TBC1D5: variants seen among roughly 807,000 people sequenced by gnomAD.
The protein encoded by TBC1D5 is TBC1 domain family member 5.
In TBC1D5, 75 loss-of-function variants were observed where a neutral mutation model predicts 100.3. The ratio of observed to expected loss-of-function variants is 0.75; its 90% CI spans 0.62 to 0.91. The LOEUF is 0.91. Among genes scored for constraint, TBC1D5 ranks in the 40% least tolerant of loss-of-function variants. The pLI is 0.00. For synonymous variants in TBC1D5, 323 were observed against 325.6 expected (o/e 0.99, Z 0.09); for missense variants, 910 against 942.4 (o/e 0.97, Z 0.45).
rs1286850901 is a variant in TBC1D5, at chr3:17,238,207, T to C, written c.1544A>G (p.Gln515Arg). The stretch of plus-strand genomic sequence containing the variant: ...CATGCTTTCTGATTTCATCAGCCTC[T>C]GCTGCTGCTGTTGCTGTTGCAAGTG... Residue 515 changes from glutamine (Q) to arginine (R), a missense_variant, in exon 17 of 22, where the codon CAG becomes CGG. Gln to Arg is a conservative substitution (Grantham distance 43, BLOSUM62 1). Coordinates refer to ENST00000253692, the Ensembl canonical transcript of TBC1D5. The C allele has an allele frequency of 6.2e-7, 1 of 1,613,796 alleles. No individual in the cohort carries two copies. Among genetic ancestry groups the C allele is most frequent in the Non-Finnish European group, 8.5e-7 (1 of 1,179,858 alleles).
intron 13 of TBC1D5, among the ~76,000 whole-genome samples, chr3:17,343,269 T>G (rs913159594): frequency 6.6e-6 from 1 of 151,718 alleles, no homozygotes; most frequent in Non-Finnish European, 1.5e-5. Context: ...TGTATTACAT[T>G]TATTGATTTG....
intron 3 of TBC1D5, among the ~76,000 whole-genome samples, chr3:17,466,637 G>C (rs1458233158): frequency 6.6e-6 from 1 of 152,122 alleles, no homozygotes; most frequent in Non-Finnish European, 1.5e-5. Context: ...CAATAGATAG[G>C]CTGGCTGTAA....
rs190910451 is a variant in TBC1D5, at chr3:17,421,014, G to A, written c.167+7436C>T. On this transcript the variant is annotated intron_variant, in intron 4 of 21. Transcript: ENST00000253692. ...AGGAAAATAACTCAAACTGTAACACGTATGCTCAAGCCAGTGTGGGTTGAT... is the reference window on the plus strand; with the variant it reads ...AGGAAAATAACTCAAACTGTAACACATATGCTCAAGCCAGTGTGGGTTGAT... Among the ~76,000 whole-genome samples, 5 of 152,278 alleles carry A rather than the reference G, an allele frequency of 3.3e-5. No homozygotes were observed. In the East Asian group the frequency reaches 9.6e-4, roughly 29 times the overall value.
intron 4 of TBC1D5, among the ~76,000 whole-genome samples, chr3:17,426,313 CCA>C (rs1178057699): frequency 6.6e-6 from 1 of 152,052 alleles, no homozygotes; most frequent in African/African-American, 2.4e-5. Context: ...TGAAGCTATA[CCA>C]CAGAGCTGTG....
chr3:17,626,542 C>A (rs920389322), intron 1 of TBC1D5, among the ~76,000 whole-genome samples: 8 of 151,964 alleles, frequency 5.3e-5, no homozygotes, highest in African/African-American at 1.9e-4. Context: ...AGTAATAGTA[C>A]AAAATACTAA....
chr3:17,661,051 A>C (rs1577299049), intron 1 of TBC1D5, among the ~76,000 whole-genome samples: 1 of 152,360 alleles, frequency 6.6e-6, no homozygotes, highest in East Asian at 1.9e-4. Flanking sequence ...AGCTAGTTTA[A>C]TCTGATTGCA....
intron 13 of TBC1D5, among the ~76,000 whole-genome samples, chr3:17,313,496 T>C (rs1575274603): frequency 6.6e-6 from 1 of 152,162 alleles, no homozygotes; most frequent in Admixed American, 6.5e-5. Flanking sequence ...AAATTGCATA[T>C]AGAGATTTGC....
At chr3:17,480,037 G>A (rs1378204597) in intron 3 of TBC1D5, among the ~76,000 whole-genome samples, 1 of 152,220 alleles carries the variant, frequency 6.6e-6, no homozygotes, top group Admixed American at 6.5e-5. Context: ...GCCTCTCCCT[G>A]CTCCTGGTGT....
chr3:17,396,725 G>C (rs927442814), intron 8 of TBC1D5, among the ~76,000 whole-genome samples: 1 of 151,842 alleles, frequency 6.6e-6, no homozygotes, highest in African/African-American at 2.4e-5. Context: ...ATTCAGGAAA[G>C]ATTTACTGTA....
chr3:17,164,522 T>C (rs1225206942), intron 21 of TBC1D5, among the ~76,000 whole-genome samples: 1 of 152,232 alleles, frequency 6.6e-6, no homozygotes, highest in African/African-American at 2.4e-5. Context: ...TCCCATAGCC[T>C]TGGACACCCA....
At chr3:17,379,506 A>C (rs574813690) in intron 9 of TBC1D5, among the ~76,000 whole-genome samples, 2 of 152,194 alleles carry the variant, frequency 1.3e-5, no homozygotes, top group East Asian at 3.9e-4. Flanking sequence ...TATTGCAAAA[A>C]CTATTAAATG....
intron 1 of TBC1D5, among the ~76,000 whole-genome samples, chr3:17,697,528 C>A (rs1334351399): frequency 6.6e-6 from 1 of 152,106 alleles, no homozygotes; most frequent in Non-Finnish European, 1.5e-5. Context: ...GAATAAAATG[C>A]CTAAGAATCC....
chr3:17,604,636 T>C (rs758650006), intron 2 of TBC1D5, among the ~76,000 whole-genome samples: 4 of 152,184 alleles, frequency 2.6e-5, no homozygotes, highest in Admixed American at 6.5e-5. Context: ...AGAAACAATG[T>C]AACTACATAT....
chr3:17,294,194 T>A (rs1332076792), intron 14 of TBC1D5, among the ~76,000 whole-genome samples: 1 of 146,664 alleles, frequency 6.8e-6, no homozygotes, highest in Non-Finnish European at 1.5e-5. Context: ...GATTGACTAA[T>A]CATTTATTTA....
At chr3:17,565,006 CA>C (rs2096584913) in intron 2 of TBC1D5, among the ~76,000 whole-genome samples, 1 of 151,638 alleles carries the variant, frequency 6.6e-6, no homozygotes, top group Non-Finnish European at 1.5e-5. Flanking sequence ...TACTAGAAAA[CA>C]AAAAACAAAA....
At chr3:17,488,699 T>G (rs2095600715) in intron 3 of TBC1D5, among the ~76,000 whole-genome samples, 1 of 152,196 alleles carries the variant, frequency 6.6e-6, no homozygotes, top group Non-Finnish European at 1.5e-5. Flanking sequence ...TATCTTGGTG[T>G]TATTTTAATT....
At chr3:17,424,190 T>C (rs918245334) in intron 4 of TBC1D5, among the ~76,000 whole-genome samples, 1 of 152,210 alleles carries the variant, frequency 6.6e-6, no homozygotes, top group African/African-American at 2.4e-5. Flanking sequence ...ATTTATTTCA[T>C]AGGTCACTGT....
chr3:17,713,524 G>A (rs1191391858), intron 1 of TBC1D5, among the ~76,000 whole-genome samples: 1 of 152,200 alleles, frequency 6.6e-6, no homozygotes, highest in East Asian at 1.9e-4. Context: ...TTACAGGCAT[G>A]AGCCACTGTG....
intron 2 of TBC1D5, among the ~76,000 whole-genome samples, chr3:17,557,768 T>A (rs990327893): frequency 6.6e-6 from 1 of 152,202 alleles, no homozygotes; most frequent in Non-Finnish European, 1.5e-5. Context: ...AAATTTTTTT[T>A]AAATGTTAAA....
Sources: gnomAD v4.1 joint callset for allele counts (sites outside exome capture counted in the v4.1 genomes callset) on GRCh38, gnomAD v4.1.1 for gene constraint, MANE v1.5 for transcripts, NCBI Gene and HGNC (gene_info 2026-07-23, HGNC 2026-07-21) for gene names.